GAS7: variants seen among roughly 807,000 people sequenced by gnomAD.
The protein encoded by GAS7 is growth arrest-specific protein 7.
GAS7 carries 28 observed loss-of-function variants against 71.1 expected under a neutral mutation model. That is an observed-to-expected ratio of 0.39 (90% CI 0.29 to 0.54). GAS7 has a LOEUF of 0.54. Ranked by LOEUF, GAS7 falls within the 20% of genes least tolerant of loss-of-function variation. The pLI is 0.62. For missense variants in GAS7, 436 were observed against 627.8 expected, an observed-to-expected ratio of 0.69 and a Z score of 3.27; for synonymous variants, 258 against 245.8, an observed-to-expected ratio of 1.05 and a Z score of -0.46.
intron 1 of GAS7, among the ~76,000 whole-genome samples, chr17:10,177,378 A>G (rs2074380765): frequency 6.6e-6 from 1 of 152,160 alleles, no homozygotes; most frequent in African/African-American, 2.4e-5. Context: ...TACAGGGTCC[A>G]TATTTGTGCA....
At chr17:10,022,800 A>C (rs772978639) in intron 1 of GAS7, among the ~76,000 whole-genome samples, 1 of 152,174 alleles carries the variant, frequency 6.6e-6, no homozygotes, top group African/African-American at 2.4e-5. Context: ...AAATGTCAGC[A>C]TCAACAGTCA....
intron 1 of GAS7, among the ~76,000 whole-genome samples, chr17:10,099,097 T>A (rs1204726815): frequency 6.6e-6 from 1 of 152,246 alleles, no homozygotes. Flanking sequence ...AAGCCCTGTC[T>A]CCTTATGCTT....
chr17:10,151,547 T>A (rs549258982), intron 1 of GAS7, among the ~76,000 whole-genome samples: 63 of 152,126 alleles, frequency 4.1e-4, no homozygotes, highest in Non-Finnish European at 7.6e-4. Context: ...CTACCTACCA[T>A]CTATCTATTT....
intron 1 of GAS7, among the ~76,000 whole-genome samples, chr17:10,137,701 A>T (rs9895211): frequency 0.11 from 17,393 of 151,734 alleles, 1,988 homozygotes; most frequent in East Asian, 0.45. Flanking sequence ...CACCACACCA[A>T]GCTAATTTTT....
In GAS7 at chr17:9,919,488, G is replaced by A. The variant is rs1222320302; in HGVS notation, c.1218+138C>T. The stretch of plus-strand genomic sequence containing the variant: ...ATAAGCTGGCTCACATTGAGGTTTC[G>A]ACCCCAACACTGAAGTAGATTTGAT... On this transcript the variant is annotated intron_variant, in intron 12 of 13. Transcript: ENST00000432992. This position sits in a 1 kb window ranked among gnomAD's most constrained non-coding sequence, Gnocchi z 5.0. 50 of 737,294 alleles carry A rather than the reference G, an allele frequency of 6.8e-5. 1 individual carries two copies. Among genetic ancestry groups the A allele is most frequent in the Admixed American group, 3.3e-4 (17 of 51,354 alleles). The allele number at this position is 737,294 out of a possible 1,614,324, so 45.7% of individuals were successfully genotyped here.
intron 2 of GAS7, among the ~76,000 whole-genome samples, chr17:10,017,235 AG>A (rs1224133387): frequency 6.6e-6 from 1 of 152,140 alleles, no homozygotes; most frequent in Admixed American, 6.5e-5. Context: ...AGCCTGAAGC[AG>A]GGACCAGCAG....
chr17:9,917,776 C>T (rs927739963), intron 13 of GAS7, among the ~76,000 whole-genome samples: 1 of 152,244 alleles, frequency 6.6e-6, no homozygotes, highest in Non-Finnish European at 1.5e-5. Flanking sequence ...GGTAACAGCT[C>T]ACGTGTGTGT....
At chr17:9,943,287 C>T (rs1217325190) in intron 6 of GAS7, 51 bp from the exon 7 acceptor site, 4 of 1,085,064 alleles carry the variant, frequency 3.7e-6, no homozygotes, top group South Asian at 1.2e-5. Context: ...GAGTCTGGAG[C>T]CAGGGAGAAT....
rs531517754 is a variant in GAS7 at position 10,079,309 on chromosome 17, A to G, written c.184-59412T>C. Among the ~76,000 whole-genome samples, 9 of 152,314 alleles carry G rather than the reference A, an allele frequency of 5.9e-5. No individual in the cohort carries two copies. In the South Asian group the frequency reaches 1.7e-3, roughly 28 times the overall value. On this transcript the variant is annotated intron_variant, in intron 1 of 13. Coordinates refer to ENST00000432992, the MANE Select transcript of GAS7 (RefSeq NM_201433.2). ...GAAAATAAAATTCTAAGTCCTTCCA[A>G]CTATCTGAATGGACATCCTCCTTGG...
intron 1 of GAS7, among the ~76,000 whole-genome samples, chr17:10,043,709 G>C (rs1231931948): frequency 6.6e-6 from 1 of 152,224 alleles, no homozygotes; most frequent in Non-Finnish European, 1.5e-5. Context: ...GAGCCCAGGA[G>C]TTCGAGACCA....
intron 1 of GAS7, among the ~76,000 whole-genome samples, chr17:10,022,275 C>T (rs973466728): frequency 6.6e-6 from 1 of 152,112 alleles, no homozygotes; most frequent in Non-Finnish European, 1.5e-5. Flanking sequence ...CAAAAAAATA[C>T]AACTACAGGC....
chr17:10,055,582 GT>G lies in GAS7; in HGVS notation c.184-35686del, dbSNP rs371963513. Among the ~76,000 whole-genome samples, 43 of 152,290 alleles carry G rather than the reference GT, an allele frequency of 2.8e-4. No homozygotes were observed. In the East Asian group the frequency reaches 6.8e-3, roughly 24 times the overall value. On this transcript the variant is annotated intron_variant, in intron 1 of 13. Coordinates refer to ENST00000432992, the MANE Select transcript of GAS7 (RefSeq NM_201433.2). Reference sequence around the variant, plus strand: ...TCCCCTCCCTTTCCAGGTTGGCCAGGTTTTCCCCCACAAGGAAATCAGCAGC... The same window carrying G: ...TCCCCTCCCTTTCCAGGTTGGCCAGGTTTCCCCCACAAGGAAATCAGCAGC...
intron 1 of GAS7, among the ~76,000 whole-genome samples, chr17:10,120,603 T>G (rs1325273923): frequency 6.6e-6 from 1 of 152,082 alleles, no homozygotes; most frequent in East Asian, 1.9e-4. Flanking sequence ...TCCCAGCTAC[T>G]CGGGGTGCTG....
intron 1 of GAS7, among the ~76,000 whole-genome samples, chr17:10,173,522 A>G (rs529332723): frequency 7.9e-5 from 12 of 151,934 alleles, no homozygotes; most frequent in African/African-American, 2.7e-4. Context: ...TAATTCCAGC[A>G]CTTTGGTAGG....
chr17:10,120,234 AGCCAG>A (rs2142075671), intron 1 of GAS7, among the ~76,000 whole-genome samples: 1 of 152,110 alleles, frequency 6.6e-6, no homozygotes, highest in East Asian at 1.9e-4. Flanking sequence ...GGCCACCAGG[AGCCAG>A]GCCAGCCACC....
At chr17:10,137,542 C>CT (rs71139019) in intron 1 of GAS7, among the ~76,000 whole-genome samples, 21 of 144,696 alleles carry the variant, frequency 1.5e-4, no homozygotes, top group East Asian at 8.0e-4. Flanking sequence ...GAAGTTTTCT[C>CT]TTTTTTTTTT....
intron 2 of GAS7, among the ~76,000 whole-genome samples, chr17:10,019,334 G>A (rs1002143338): frequency 6.6e-5 from 10 of 152,080 alleles, no homozygotes; most frequent in Admixed American, 4.6e-4. Context: ...GGGAAACCTC[G>A]CATTTGCAAC....
intron 1 of GAS7, among the ~76,000 whole-genome samples, chr17:10,171,604 A>G (rs971390988): frequency 1.3e-5 from 2 of 152,216 alleles, no homozygotes; most frequent in African/African-American, 2.4e-5. Flanking sequence ...ATCCAAATGC[A>G]TAAGGATTCA....
intron 1 of GAS7, among the ~76,000 whole-genome samples, chr17:10,174,685 C>T (rs2074359974): frequency 6.6e-6 from 1 of 151,766 alleles, no homozygotes; most frequent in Non-Finnish European, 1.5e-5. Flanking sequence ...GAGCGAGACT[C>T]CGTATCAAAA....
Sources: gnomAD v4.1 joint callset for allele counts (sites outside exome capture counted in the v4.1 genomes callset) on GRCh38, gnomAD v4.1.1 for gene constraint, Gnocchi (gnomAD v3.1) non-coding constraint, MANE v1.5 for transcripts, NCBI Gene and HGNC (gene_info 2026-07-23, HGNC 2026-07-21) for gene names.